Variants in LAMB3 observed in about 807,000 individuals in gnomAD.
LAMB3 encodes laminin subunit beta 3.
In LAMB3, 104 loss-of-function variants were observed where a neutral mutation model predicts 140.3. That is an observed-to-expected ratio of 0.74 (90% CI 0.63 to 0.87). The LOEUF (loss-of-function observed/expected upper bound fraction) is 0.87, where lower values mean the gene tolerates loss of function less well. Among genes scored for constraint, LAMB3 ranks in the 40% least tolerant of loss-of-function variants. The probability of loss-of-function intolerance (pLI) is 0.00; values close to 1 mark genes in which losing one functional copy is unlikely to be tolerated. For missense variants in LAMB3, 1,531 were observed against 1,575.2 expected (o/e 0.97, Z 0.47); for synonymous variants, 592 against 602.9 (o/e 0.98, Z 0.26).
intron 18 of LAMB3, 161 bp from the exon 19 acceptor site, chr1:209,618,820 G>A (rs1230900593): frequency 2.9e-6 from 2 of 690,590 alleles, no homozygotes; most frequent in East Asian, 2.7e-5. Context: ...TCAGGCGCCT[G>A]TTCTCCAGGG....
At chr1:209,630,018 C>A (rs1571817490) in intron 9 of LAMB3, 93 bp from the exon 10 acceptor site, 1 of 1,224,306 alleles carries the variant, frequency 8.2e-7, no homozygotes, top group East Asian at 2.4e-5. Flanking sequence ...TCTGTAACAA[C>A]TCTGCAAGAT....
chr1:209,649,906 G>T, intron 3 of LAMB3, 58 bp downstream of exon 3: 2 of 1,582,434 alleles, frequency 1.3e-6, no homozygotes, highest in South Asian at 1.1e-5. Flanking sequence ...GTGGACAAAT[G>T]GCAGCTCACA....
chr1:209,634,507 C>G lies in LAMB3; in HGVS notation c.504G>C (p.Trp168Cys), dbSNP rs1163346468. The G allele has an allele frequency of 8.1e-6, 13 of 1,614,114 alleles. No homozygotes were observed. The highest frequency in any genetic ancestry group is 1.0e-5 in the Non-Finnish European group (12 of 1,180,030). The stretch of plus-strand genomic sequence containing the variant: ...GCAGGGACTGGCACCGAACATCCTG[C>G]CAGCTCTGAGGCCGACCCTGGCGGA... The part of the protein sequence containing the change: ...PRVRQGRPQS[W>C]QDVRCQSLPQ... Residue 168 changes from tryptophan (W) to cysteine (C), a missense_variant, in exon 6 of 23, where the codon TGG becomes TGC. Physicochemically the swap from Trp to Cys is radical, Grantham distance 215 (BLOSUM62 -2). Transcript: ENST00000356082.
At chr1:209,626,154 G>T in intron 13 of LAMB3, 128 bp from the exon 14 acceptor site, 1 of 1,051,002 alleles carries the variant, frequency 9.5e-7, no homozygotes, top group Non-Finnish European at 1.4e-6. Context: ...AGAAGTCGCA[G>T]CCAGAATAAA....
chr1:209,646,326 ATCTG>A (rs1351014328), intron 3 of LAMB3, among the ~76,000 whole-genome samples: 1 of 152,230 alleles, frequency 6.6e-6, no homozygotes, highest in Non-Finnish European at 1.5e-5. Context: ...CACACAGCCC[ATCTG>A]TCTCTGAGAA....
At chr1:209,650,154 A>AAAAAAAGGGACCTAG (rs1277152619) in intron 2 of LAMB3, 36 bp from the exon 3 acceptor site, 2 of 1,591,354 alleles carry the variant, frequency 1.3e-6, no homozygotes, top group South Asian at 1.1e-5. Flanking sequence ...AGCAGTCCAG[A>AAAAAAAGGGACCTAG]AAAAAAGGGA....
At chr1:209,625,589 C>G (rs868118705) in intron 14 of LAMB3, 59 bp downstream of exon 14, 1 of 1,596,596 alleles carries the variant, frequency 6.3e-7, no homozygotes, top group African/African-American at 1.3e-5. Context: ...CCAGCATGCC[C>G]GGTACTGGAA....
rs763960179 is a variant in LAMB3, at chr1:209,627,406, A to C, written c.1462T>G (p.Ser488Ala). Residue 488 changes from serine to alanine, a missense_variant, in exon 12 of 23, where the codon TCC (serine) becomes GCC (alanine). Ser to Ala is a moderately conservative substitution (Grantham distance 99). Transcript: ENST00000356082. ...CEPCACDPHN[S>A]LSPQCNQFTG... is the part of the protein sequence containing the mutation. The stretch of plus-strand genomic sequence containing the variant: ...ACCTGGTTGCACTGTGGGCTGAGGG[A>C]GTTGTGCGGGTCGCAGGCACACGGT... The C allele has an allele frequency of 6.8e-6, 11 of 1,613,376 alleles. No individual in the cohort carries two copies. In the Admixed American group the frequency reaches 1.2e-4, roughly 17 times the overall value.
chr1:209,642,770 G>T (rs1015334298), intron 3 of LAMB3, among the ~76,000 whole-genome samples: 7 of 152,112 alleles, frequency 4.6e-5, no homozygotes, highest in Admixed American at 2.0e-4. Flanking sequence ...TGAGCCACTT[G>T]CACCCAGCTT....
In LAMB3 at chr1:209,617,898, A is replaced by C; in HGVS notation, c.3051+9T>G. ...CCAAATATGGGCGGAGGAAGCCATA[A>C]TGCCTCACCTCAGCAACCCTGTCCT... is the stretch of plus-strand genomic sequence containing the variant. On this transcript the variant is annotated intron_variant, in intron 20 of 22. Transcript: ENST00000356082. 1 of 1,614,168 alleles carries C rather than the reference A, an allele frequency of 6.2e-7. No individual in the cohort carries two copies. The highest frequency in any genetic ancestry group is 8.5e-7 in the Non-Finnish European group (1 of 1,180,028).
intron 18 of LAMB3, among the ~76,000 whole-genome samples, chr1:209,620,418 A>G (rs1465050365): frequency 6.6e-6 from 1 of 152,210 alleles, no homozygotes; most frequent in Non-Finnish European, 1.5e-5. Flanking sequence ...TTCCTAGAGG[A>G]TGAGCAGGAG....
chr1:209,620,764 T>A (rs929659922), intron 18 of LAMB3, among the ~76,000 whole-genome samples: 1 of 152,260 alleles, frequency 6.6e-6, no homozygotes, highest in Non-Finnish European at 1.5e-5. Context: ...CTTGGAACAG[T>A]GCCTGGACTC....
chr1:209,634,717 C>T (rs1666833740), intron 5 of LAMB3, 79 bp from the exon 6 acceptor site: 2 of 1,206,248 alleles, frequency 1.7e-6, no homozygotes, highest in Admixed American at 2.0e-5. Flanking sequence ...AGACAGGCTC[C>T]TCCAGTGAAC....
chr1:209,618,195 TC>T, intron 19 of LAMB3, 147 bp from the exon 20 acceptor site: 1 of 1,073,650 alleles, frequency 9.3e-7, no homozygotes, highest in Non-Finnish European at 1.4e-6. Flanking sequence ...AGCTTTGATG[TC>T]CCAGGACCCC....
intron 3 of LAMB3, among the ~76,000 whole-genome samples, chr1:209,644,360 T>C (rs1358681425): frequency 6.6e-6 from 1 of 152,222 alleles, no homozygotes; most frequent in Non-Finnish European, 1.5e-5. Context: ...TGATATATGC[T>C]ACACACTCAA....
At chr1:209,627,627 T>A in intron 11 of LAMB3, 48 bp from the exon 12 acceptor site, 1 of 1,579,634 alleles carries the variant, frequency 6.3e-7, no homozygotes. Context: ...CATGAAAAAC[T>A]CACCCCCAGA....
Position 209,617,460 on chromosome 1 carries a change from C to T in LAMB3, c.3178G>A (p.Ala1060Thr). The T allele has an allele frequency of 6.2e-7, 1 of 1,613,406 alleles. No individual in the cohort carries two copies. Among genetic ancestry groups the T allele is most frequent in the South Asian group, 1.1e-5 (1 of 91,048 alleles). ...ARQQGAEAVQ[A>T]QQLAEGASEQ... Reference sequence around the variant, plus strand: ...CTGGCACCTTCCGCAAGCTGCTGGGCCTGGACTGCCTCTGCCCCCTGCTGC... The same window carrying T: ...CTGGCACCTTCCGCAAGCTGCTGGGTCTGGACTGCCTCTGCCCCCTGCTGC... The change falls in exon 21 of 23, where the codon GCC (alanine) becomes ACC (threonine). Residue 1060 changes from alanine to threonine, a missense_variant. Coordinates refer to ENST00000356082, the MANE Select transcript of LAMB3 (RefSeq NM_000228.3).
At chr1:209,622,871 G>A (rs939287258) in intron 17 of LAMB3, 111 bp downstream of exon 17, 4 of 1,392,094 alleles carry the variant, frequency 2.9e-6, no homozygotes, top group Non-Finnish European at 3.0e-6. Flanking sequence ...CCTTAAGCAG[G>A]TCACCTAAAA....
rs2076227 is a variant in LAMB3 at position 209,615,741 on chromosome 1, G to A, written c.3383-334C>T. 0.33 allele frequency among the ~76,000 whole-genome samples: 50,790 copies of A among 152,088 alleles called. 8,595 individuals carry two copies. Among genetic ancestry groups the A allele is most frequent in the African/African-American group, 0.36 (14,858 of 41,472 alleles). ...TCTTAGCGATGACTCTAGTTCCCAG[G>A]AGCCCCTGTTCTCCTTTCTAAGGAA... is the stretch of plus-strand genomic sequence containing the variant. On this transcript the variant is annotated intron_variant, in intron 22 of 22. Coordinates refer to ENST00000356082, the MANE Select transcript of LAMB3 (RefSeq NM_000228.3).
Sources: gnomAD v4.1 joint callset for allele counts (sites outside exome capture counted in the v4.1 genomes callset) on GRCh38, gnomAD v4.1.1 for gene constraint, MANE v1.5 for transcripts, NCBI Gene and HGNC (gene_info 2026-07-23, HGNC 2026-07-21) for gene names.